The following ANO4 variants were observed in gnomAD, a reference collection of about 807,000 sequenced individuals.
ANO4 encodes the protein anoctamin 4, also known as anoctamin-4.
In ANO4, 69 loss-of-function variants were observed where a neutral mutation model predicts 141.9. The ratio of observed to expected loss-of-function variants is 0.49; its 90% CI spans 0.40 to 0.59. ANO4 has a LOEUF of 0.59. Among genes scored for constraint, ANO4 ranks in the 20% least tolerant of loss-of-function variants. ANO4 has a pLI of 0.00. For synonymous variants in ANO4, 350 were observed against 394.3 expected (o/e 0.89, Z 1.33); for missense variants, 894 against 1,162.2 (o/e 0.77, Z 3.36).
intron 14 of ANO4, among the ~76,000 whole-genome samples, chr12:101,056,955 T>G (rs928445026): frequency 1.2e-4 from 18 of 147,134 alleles, no homozygotes; most frequent in African/African-American, 4.7e-4. Flanking sequence ...GCTGCACCCT[T>G]CAAATCGTCA....
At chr12:101,021,521 AT>A (rs1336229924) in intron 9 of ANO4, among the ~76,000 whole-genome samples, 55 of 152,344 alleles carry the variant, frequency 3.6e-4, no homozygotes, top group African/African-American at 1.3e-3. Context: ...ATGAAGGTGC[AT>A]TTGGAGCTGA....
At chr12:100,811,994 A>G (rs2035465866) in intron 1 of ANO4, among the ~76,000 whole-genome samples, 1 of 151,674 alleles carries the variant, frequency 6.6e-6, no homozygotes. Flanking sequence ...GTGTACACAT[A>G]TGCACATACC....
At chr12:100,900,228 C>G (rs1414611161) in intron 1 of ANO4, among the ~76,000 whole-genome samples, 1 of 151,956 alleles carries the variant, frequency 6.6e-6, no homozygotes, top group African/African-American at 2.4e-5. Context: ...TCCCTCCTTT[C>G]TTTTCTCCCT....
intron 5 of ANO4, among the ~76,000 whole-genome samples, chr12:100,961,183 T>C (rs1003522442): frequency 6.6e-6 from 1 of 152,214 alleles, no homozygotes; most frequent in African/African-American, 2.4e-5. Context: ...CAGTGCACAG[T>C]AGTTAAATCA....
intron 8 of ANO4, among the ~76,000 whole-genome samples, chr12:101,016,695 C>T (rs1720197406): frequency 6.6e-6 from 1 of 152,138 alleles, no homozygotes; most frequent in Non-Finnish European, 1.5e-5. Context: ...AGAAGCTCAC[C>T]CAAGGAAGTG....
rs902328964 is a variant in ANO4, at chr12:100,969,915, C to T, written c.457-1391C>T. 3.3e-5 allele frequency among the ~76,000 whole-genome samples: 5 copies of T among 152,154 alleles called. No individual in the cohort carries two copies. The South Asian group carries it at 1.0e-3, about 32-fold the overall frequency. ...TCTCACTTTCCTTCTACAACTGATC[C>T]CTCCTTGTGGAAAGTGACTTCCAAA... On this transcript the variant is annotated intron_variant, in intron 5 of 27. Transcript: ENST00000392977.
chr12:100,762,052 A>G (rs1479105883), intron 3 of ANO4, among the ~76,000 whole-genome samples: 1 of 152,118 alleles, frequency 6.6e-6, no homozygotes, highest in Non-Finnish European at 1.5e-5. Flanking sequence ...CACTAGGGGG[A>G]AAGGGGCTGT....
At chr12:100,939,243 T>A in intron 3 of ANO4, 72 bp from the exon 4 acceptor site, 1 of 1,458,270 alleles carries the variant, frequency 6.9e-7, no homozygotes, top group Non-Finnish European at 9.4e-7. Context: ...AAGGGAGATG[T>A]TTTCTCTTTT....
chr12:100,855,337 T>G (rs183586229), intron 1 of ANO4, among the ~76,000 whole-genome samples: 3 of 152,274 alleles, frequency 2.0e-5, no homozygotes, highest in Non-Finnish European at 4.4e-5. Flanking sequence ...ATCAGAGGCT[T>G]ATAAAAAATA....
At chr12:100,948,417 C>T (rs558864781) in intron 5 of ANO4, among the ~76,000 whole-genome samples, 16 of 152,058 alleles carry the variant, frequency 1.1e-4, no homozygotes, top group Admixed American at 3.9e-4. Context: ...TATAATTTAT[C>T]GTAAATGATG....
intron 16 of ANO4, among the ~76,000 whole-genome samples, chr12:101,085,476 A>T (rs7971117): frequency 0.19 from 29,491 of 152,136 alleles, 3,278 homozygotes; most frequent in African/African-American, 0.31. Flanking sequence ...TTTACATTGT[A>T]TCAGGTATTA....
intron 1 of ANO4, among the ~76,000 whole-genome samples, chr12:100,717,842 G>C (rs1221185121): frequency 1.3e-5 from 2 of 152,238 alleles, no homozygotes; most frequent in Non-Finnish European, 2.9e-5. Context: ...GGGAAGGGAC[G>C]CGGGTGTTAA....
At chr12:101,005,617 A>G (rs545843277) in intron 8 of ANO4, among the ~76,000 whole-genome samples, 46 of 152,370 alleles carry the variant, frequency 3.0e-4, no homozygotes, top group African/African-American at 1.1e-3. Context: ...AATTGGAAAT[A>G]ATAAAAAATA....
intron 1 of ANO4, among the ~76,000 whole-genome samples, chr12:100,860,158 G>A (rs1237334717): frequency 6.6e-6 from 1 of 152,114 alleles, no homozygotes; most frequent in Non-Finnish European, 1.5e-5. Context: ...TTGGCAGGAG[G>A]GATGATACAT....
intron 5 of ANO4, among the ~76,000 whole-genome samples, chr12:100,956,482 T>C (rs957677082): frequency 3.3e-5 from 5 of 152,222 alleles, no homozygotes; most frequent in African/African-American, 1.2e-4. Flanking sequence ...GAAAAGTACA[T>C]GTGGTGAGAC....
chr12:101,030,103 T>A (rs150436897), intron 9 of ANO4, among the ~76,000 whole-genome samples: 1,928 of 152,186 alleles, frequency 0.013, 37 homozygotes, highest in African/African-American at 0.044. Context: ...TATTCAGGAC[T>A]TGAACTCAGC....
At chr12:100,748,881 A>G (rs2032234737) in intron 3 of ANO4, among the ~76,000 whole-genome samples, 1 of 152,102 alleles carries the variant, frequency 6.6e-6, no homozygotes, top group Non-Finnish European at 1.5e-5. Flanking sequence ...CTGAAGGGGT[A>G]TTTAGATTTT....
At chr12:100,970,694 CTT>C (rs2043889573) in intron 5 of ANO4, among the ~76,000 whole-genome samples, 1 of 131,818 alleles carries the variant, frequency 7.6e-6, no homozygotes, top group Admixed American at 7.8e-5. Flanking sequence ...TCCTTCCTTC[CTT>C]CCTTCCTTCC....
chr12:100,794,941 G>A lies in ANO4; in HGVS notation c.-227G>A, dbSNP rs1214362354. 2 of 152,724 alleles carry A rather than the reference G, an allele frequency of 1.3e-5. No homozygotes were observed. The highest frequency in any genetic ancestry group is 4.8e-5 in the African/African-American group (2 of 41,442). 9.5% of individuals were successfully genotyped at this position (152,724 alleles called of 1,614,324 possible). On this transcript the variant is annotated 5_prime_UTR_variant, in exon 1 of 28. Coordinates refer to ENST00000392977, the MANE Select transcript of ANO4 (RefSeq NM_001286615.2). ...GGCCTCCTCCCGACTGGAGCCTGGAGGTTCACAGTGGATTTCTTTCTGCCG... is the reference window on the plus strand; with the variant it reads ...GGCCTCCTCCCGACTGGAGCCTGGAAGTTCACAGTGGATTTCTTTCTGCCG...
Sources: gnomAD v4.1 joint callset for allele counts (sites outside exome capture counted in the v4.1 genomes callset) on GRCh38, gnomAD v4.1.1 for gene constraint, MANE v1.5 for transcripts, NCBI Gene and HGNC (gene_info 2026-07-23, HGNC 2026-07-21) for gene names.